C16orf87: variants seen among roughly 807,000 people sequenced by gnomAD.
The protein encoded by C16orf87 is UPF0547 protein C16orf87.
Under a neutral mutation model 21.0 loss-of-function variants are expected in C16orf87, and 13 were observed. That is an observed-to-expected ratio of 0.62 (90% CI 0.40 to 0.98). The LOEUF (loss-of-function observed/expected upper bound fraction) is 0.98. C16orf87 is among the 50% of genes least tolerant of loss of function. The pLI is 0.00. For missense variants in C16orf87, 113 were observed against 180.4 expected (o/e 0.63, Z 2.14); for synonymous variants, 49 against 60.2 (o/e 0.81, Z 0.86).
At position 46,801,503 on chromosome 16, in the gene C16orf87, G is replaced by C. The variant is rs961561330; in HGVS notation, c.*1449C>G. ...CCACTGCACTCCAGCCTGGGCGACC[G>C]AGCAAGACTCTGTCTCCTAAATAAA... On this transcript the variant is annotated 3_prime_UTR_variant, in exon 4 of 4. Coordinates refer to ENST00000285697, the MANE Select transcript of C16orf87 (RefSeq NM_001001436.4). 4.6e-5 allele frequency: 7 copies of C among 152,192 alleles called. No homozygotes were observed. Among genetic ancestry groups the C allele is most frequent in the African/African-American group, 1.7e-4 (7 of 41,438 alleles). The allele number at this position is 152,192 out of a possible 1,614,324, so 9.4% of individuals were successfully genotyped here.
intron 1 of C16orf87, among the ~76,000 whole-genome samples, chr16:46,830,294 G>GAA (rs1567320125): frequency 6.9e-6 from 1 of 145,318 alleles, no homozygotes. Flanking sequence ...GAGAGAGAGA[G>GAA]AGAGAGAGAG....
rs1967748759 is a variant in C16orf87 at position 46,800,843 on chromosome 16, T to A, written c.*2109A>T. ...GGTTATGTCACAGAGGAAACCTAAT[T>A]TGCCTCTCTGCCACGGAAATTTTTA... On this transcript the variant is annotated 3_prime_UTR_variant, in exon 4 of 4. Transcript: ENST00000285697. 1 of 152,222 alleles carries A rather than the reference T, an allele frequency of 6.6e-6. No homozygotes were observed. 9.4% of individuals were successfully genotyped at this position (152,222 alleles called of 1,614,324 possible). A position where few individuals can be genotyped will look rare whatever the true frequency, so the allele number is the denominator to read the frequency against.
intron 3 of C16orf87, among the ~76,000 whole-genome samples, chr16:46,809,169 G>C (rs1567308656): frequency 6.6e-6 from 1 of 151,720 alleles, no homozygotes; most frequent in Non-Finnish European, 1.5e-5. Context: ...CACACCTGTA[G>C]TCCCAGCTAC....
rs543002951 is a variant in C16orf87 at position 46,820,209 on chromosome 16, G to C, written c.163+4177C>G. Among the ~76,000 whole-genome samples the C allele has an allele frequency of 6.6e-5, 10 of 152,234 alleles. No homozygotes were observed. The East Asian group carries it at 1.9e-3, about 29-fold the overall frequency. On this transcript the variant is annotated intron_variant, in intron 2 of 3. Coordinates refer to ENST00000285697, the MANE Select transcript of C16orf87 (RefSeq NM_001001436.4). ...CTTTTCTTCCTGCACATCACAAACTGTGTACAATAATTGAATAAGAGCTTT... is the reference window on the plus strand; with the variant it reads ...CTTTTCTTCCTGCACATCACAAACTCTGTACAATAATTGAATAAGAGCTTT...
chr16:46,817,916 CAAA>C (rs1056745014), intron 2 of C16orf87, among the ~76,000 whole-genome samples: 3 of 68,280 alleles, frequency 4.4e-5, no homozygotes, highest in African/African-American at 1.1e-4. Flanking sequence ...CATCAAAAAG[CAAA>C]AAAAAAAAAA....
At chr16:46,808,339 G>A (rs1967986759) in intron 3 of C16orf87, among the ~76,000 whole-genome samples, 1 of 152,150 alleles carries the variant, frequency 6.6e-6, no homozygotes, top group Non-Finnish European at 1.5e-5. Flanking sequence ...AGCTAGGAAT[G>A]GCTATACTGG....
chr16:46,805,159 GAATA>G lies in C16orf87; in HGVS notation c.347-2093_347-2090del, dbSNP rs538240442. 4.8e-3 allele frequency among the ~76,000 whole-genome samples: 724 copies of G among 152,110 alleles called. 3 individuals carry two copies. Among genetic ancestry groups the G allele is most frequent in the Admixed American group, 8.2e-3 (126 of 15,282 alleles). ...TCCTTCAGGTTGGAAAAATTTTCTT[GAATA>G]AATAATTGTCATTGTTAAAGTCGTT... On this transcript the variant is annotated intron_variant, in intron 3 of 3. Transcript: ENST00000285697.
At position 46,800,916 on chromosome 16, in the gene C16orf87, T is replaced by C. The variant is rs959132721; in HGVS notation, c.*2036A>G. 4 of 152,212 alleles carry C rather than the reference T, an allele frequency of 2.6e-5. No homozygotes were observed. The highest frequency in any genetic ancestry group is 6.5e-5 in the Admixed American group (1 of 15,282). The allele number at this position is 152,212 out of a possible 1,614,324, so 9.4% of individuals were successfully genotyped here. A position where few individuals can be genotyped will look rare whatever the true frequency, so the allele number is the denominator to read the frequency against. ...ATGAGATCTGAAGTAATTACTTTTC[T>C]ATACGGCAAGCTCCAGCCCAGCCAC... On this transcript the variant is annotated 3_prime_UTR_variant, in exon 4 of 4. Coordinates refer to ENST00000285697, the MANE Select transcript of C16orf87 (RefSeq NM_001001436.4).
At chr16:46,827,461 A>T (rs1272813473) in intron 1 of C16orf87, among the ~76,000 whole-genome samples, 1 of 152,090 alleles carries the variant, frequency 6.6e-6, no homozygotes, top group Non-Finnish European at 1.5e-5. Flanking sequence ...TCAGGATTTT[A>T]AAAAAAAGAA....
intron 1 of C16orf87, among the ~76,000 whole-genome samples, chr16:46,829,449 A>AT (rs1165427295): frequency 6.6e-6 from 1 of 152,130 alleles, no homozygotes; most frequent in Admixed American, 6.5e-5. Context: ...AAAAGTGGCT[A>AT]TTTTTCCCAA....
intron 1 of C16orf87, among the ~76,000 whole-genome samples, chr16:46,825,048 T>C (rs1296547662): frequency 6.6e-6 from 1 of 152,146 alleles, no homozygotes; most frequent in Non-Finnish European, 1.5e-5. Context: ...GTATTAAATA[T>C]GCACTGATGT....
chr16:46,798,921 T>C lies in C16orf87; in HGVS notation c.*4031A>G, dbSNP rs1000443336. 2.6e-5 allele frequency: 4 copies of C among 152,030 alleles called. No individual in the cohort carries two copies. Among genetic ancestry groups the C allele is most frequent in the Non-Finnish European group, 5.9e-5 (4 of 68,018 alleles). The allele number at this position is 152,030 out of a possible 1,614,324, so 9.4% of individuals were successfully genotyped here. A position where few individuals can be genotyped will look rare whatever the true frequency, so the allele number is the denominator to read the frequency against. On this transcript the variant is annotated 3_prime_UTR_variant, in exon 4 of 4. Coordinates refer to ENST00000285697, the MANE Select transcript of C16orf87 (RefSeq NM_001001436.4). ...AGTCTACCCTCAATCTACTAAAGGG[T>C]ATTTTTTCAAGCCCACAACAACAAC...
chr16:46,822,997 T>G (rs1959478575), intron 2 of C16orf87, among the ~76,000 whole-genome samples: 1 of 152,238 alleles, frequency 6.6e-6, no homozygotes, highest in South Asian at 2.1e-4. Context: ...AATGGTCTTT[T>G]TTGTTCCTAA....
rs1967750959 is a variant in C16orf87 at position 46,800,904 on chromosome 16, T to C, written c.*2048A>G. On this transcript the variant is annotated 3_prime_UTR_variant, in exon 4 of 4. Transcript: ENST00000285697. ...TAATTTAACATTATGAGATCTGAAG[T>C]AATTACTTTTCTATACGGCAAGCTC... 6.6e-6 allele frequency: 1 copy of C among 152,168 alleles called. No individual in the cohort carries two copies. The highest frequency in any genetic ancestry group is 6.5e-5 in the Admixed American group (1 of 15,284). The allele number at this position is 152,168 out of a possible 1,614,324, so 9.4% of individuals were successfully genotyped here.
At chr16:46,824,539 C>A in intron 1 of C16orf87, 57 bp from the exon 2 acceptor site, 4 of 745,606 alleles carry the variant, frequency 5.4e-6, no homozygotes, top group Non-Finnish European at 8.7e-6. Context: ...TTAAATTTCT[C>A]AGTGTCTATG....
chr16:46,817,823 T>G (rs772626856), intron 2 of C16orf87, among the ~76,000 whole-genome samples: 16 of 150,292 alleles, frequency 1.1e-4, no homozygotes, highest in Non-Finnish European at 1.8e-4. Flanking sequence ...TGAAAAGTGT[T>G]TTAAAGATGA....
chr16:46,809,858 CT>C (rs1968034199), intron 2 of C16orf87, 73 bp from the exon 3 acceptor site: 8 of 923,768 alleles, frequency 8.7e-6, no homozygotes, highest in African/African-American at 3.3e-5. Context: ...CATTGTCTTC[CT>C]TTTTCTTTCT....
intron 2 of C16orf87, among the ~76,000 whole-genome samples, chr16:46,822,919 C>A (rs188153272): frequency 3.9e-5 from 6 of 152,356 alleles, no homozygotes. Flanking sequence ...CCTATACAAT[C>A]TAGCCTCTGC....
intron 2 of C16orf87, among the ~76,000 whole-genome samples, chr16:46,811,032 T>C (rs1181473770): frequency 6.6e-6 from 1 of 152,264 alleles, no homozygotes; most frequent in Non-Finnish European, 1.5e-5. Context: ...GCATTTCTTC[T>C]GCTTTTTCTA....
Sources: allele counts gnomAD v4.1 joint callset (sites outside exome capture counted in the v4.1 genomes callset), GRCh38; gene constraint gnomAD v4.1.1; transcripts MANE v1.5; gene names NCBI Gene and HGNC (gene_info 2026-07-23, HGNC 2026-07-21).